The following HMGN5 variants were observed in gnomAD, a reference collection of about 807,000 sequenced individuals.
HMGN5 encodes the protein high mobility group nucleosome binding domain 5.
HMGN5 carries 4 observed loss-of-function variants against 9.5 expected under a neutral mutation model. The observed-to-expected ratio is 0.42, with a 90% CI of 0.21 to 0.96. The LOEUF (loss-of-function observed/expected upper bound fraction) is 0.96, where lower values mean the gene tolerates loss of function less well. Among genes scored for constraint, HMGN5 ranks in the 40% least tolerant of loss-of-function variants. The probability of loss-of-function intolerance (pLI) is 0.30; values close to 1 mark genes in which losing one functional copy is unlikely to be tolerated. For missense variants in HMGN5, 192 were observed against 187.5 expected (o/e 1.02, Z -0.14); for synonymous variants, 55 against 57.1 (o/e 0.96, Z 0.16).
At chrX:81,129,647 A>G (rs2075293518) in intron 1 of HMGN5, among the ~76,000 whole-genome samples, 3 of 111,938 alleles carry the variant, frequency 2.7e-5, no homozygotes, top group Non-Finnish European at 5.7e-5. Flanking sequence ...TATAAATTAT[A>G]TAGTTTGACA....
At chrX:81,151,899 G>A (rs2075363738) in intron 1 of HMGN5, among the ~76,000 whole-genome samples, 1 of 111,469 alleles carries the variant, frequency 9.0e-6, no homozygotes, top group Non-Finnish European at 1.9e-5. Context: ...TGCAAACAGG[G>A]ACAATTTGAC....
Position 81,113,847 on chromosome X carries a change from G to A in HMGN5, c.*802C>T, listed in dbSNP as rs999722128. The A allele has an allele frequency of 8.9e-6, 1 of 111,885 alleles. No homozygotes were observed. The highest frequency in any genetic ancestry group is 3.3e-5 in the African/African-American group (1 of 30,734). The allele number at this position is 111,885 out of a possible 1,213,427, so 9.2% of individuals were successfully genotyped here. On this transcript the variant is annotated 3_prime_UTR_variant, in exon 7 of 7. Transcript: ENST00000358130. ...AATTGGTGCTTTGTTTCTTATTTGG[G>A]TGATAAAAATTCTCTGGAATTAAAC...
At chrX:81,124,674 C>A (rs2075278298) in intron 1 of HMGN5, among the ~76,000 whole-genome samples, 1 of 112,272 alleles carries the variant, frequency 8.9e-6, no homozygotes, top group South Asian at 3.6e-4. Context: ...ATATATTTTT[C>A]TAAAATTGAT....
intron 1 of HMGN5, among the ~76,000 whole-genome samples, chrX:81,181,960 C>T (rs1389798384): frequency 9.0e-6 from 1 of 111,477 alleles, no homozygotes; most frequent in Non-Finnish European, 1.9e-5. Flanking sequence ...TGGCTATATA[C>T]CTAGGAGTGG....
chrX:81,175,989 C>T (rs1232214110), intron 1 of HMGN5, among the ~76,000 whole-genome samples: 1 of 111,869 alleles, frequency 8.9e-6, no homozygotes, highest in Non-Finnish European at 1.9e-5. Flanking sequence ...GTCCCTGACC[C>T]CTGTGTAGCC....
intron 1 of HMGN5, among the ~76,000 whole-genome samples, chrX:81,137,622 T>C (rs1392112074): frequency 9.0e-6 from 1 of 111,308 alleles, no homozygotes; most frequent in Non-Finnish European, 1.9e-5. Flanking sequence ...CAAATTAATA[T>C]TCTAATACTT....
At chrX:81,183,158 A>G (rs955252688) in intron 1 of HMGN5, among the ~76,000 whole-genome samples, 1 of 112,391 alleles carries the variant, frequency 8.9e-6, no homozygotes, top group African/African-American at 3.2e-5. Flanking sequence ...GCAAAGCATA[A>G]AAGTTTGGAA....
At chrX:81,200,392 A>G (rs2075522357) in intron 1 of HMGN5, among the ~76,000 whole-genome samples, 1 of 112,247 alleles carries the variant, frequency 8.9e-6, no homozygotes, top group Non-Finnish European at 1.9e-5. Context: ...TCTTTCTATA[A>G]TAAAGACACA....
chrX:81,201,429 A>G (rs774938362), intron 1 of HMGN5, among the ~76,000 whole-genome samples: 1 of 111,565 alleles, frequency 9.0e-6, no homozygotes, highest in African/African-American at 3.3e-5. Flanking sequence ...AAAATCATCC[A>G]TCTTTTTACA....
intron 1 of HMGN5, among the ~76,000 whole-genome samples, chrX:81,157,305 A>G (rs2075385550): frequency 8.9e-6 from 1 of 111,893 alleles, no homozygotes; most frequent in African/African-American, 3.2e-5. Context: ...TTCTGCAATA[A>G]GGTGTTTTCT....
In HMGN5 at chrX:81,117,260, GT is replaced by G. The variant is rs72026372; in HGVS notation, c.130-920del. On this transcript the variant is annotated intron_variant, in intron 5 of 6. Coordinates refer to ENST00000358130, the MANE Select transcript of HMGN5 (RefSeq NM_030763.3). ...TTTTCTTTTCTTTTCTTTTTTTTCC[GT>G]TTTTTTTTTTTTTTTTGAGACAGGG... 8.1e-4 allele frequency among the ~76,000 whole-genome samples: 65 copies of G among 79,832 alleles called. 1 individual carries two copies. Among genetic ancestry groups the G allele is most frequent in the Middle Eastern group, 7.5e-3 (1 of 134 alleles). The allele number at this position is 79,832 out of a possible 115,157, so 69.3% of individuals were successfully genotyped here.
At chrX:81,162,876 A>G (rs981908206) in intron 1 of HMGN5, among the ~76,000 whole-genome samples, 3 of 111,425 alleles carry the variant, frequency 2.7e-5, no homozygotes, top group Non-Finnish European at 5.7e-5. Flanking sequence ...CCTAGTGGGC[A>G]GATTATAGCA....
intron 1 of HMGN5, among the ~76,000 whole-genome samples, chrX:81,158,865 C>T (rs1292472327): frequency 9.0e-6 from 1 of 111,208 alleles, no homozygotes; most frequent in Non-Finnish European, 1.9e-5. Flanking sequence ...GCATTTGGTC[C>T]AGAAATCTCA....
chrX:81,183,400 T>G (rs1007561597), intron 1 of HMGN5, among the ~76,000 whole-genome samples: 2 of 112,622 alleles, frequency 1.8e-5, no homozygotes, highest in Admixed American at 9.4e-5. Flanking sequence ...AGGGCCCCGC[T>G]GCCCTGTGCA....
At chrX:81,172,979 T>C (rs1373596582) in intron 1 of HMGN5, among the ~76,000 whole-genome samples, 3 of 111,595 alleles carry the variant, frequency 2.7e-5, no homozygotes. Flanking sequence ...TTTTGTAATA[T>C]TTATAAAAAA....
intron 1 of HMGN5, among the ~76,000 whole-genome samples, chrX:81,155,161 T>A (rs1280693116): frequency 1.1e-5 from 1 of 94,543 alleles, no homozygotes; most frequent in Non-Finnish European, 2.1e-5. Context: ...ACCAAAAAAC[T>A]CCTTACAACC....
intron 1 of HMGN5, among the ~76,000 whole-genome samples, chrX:81,129,941 T>A (rs2075294098): frequency 8.9e-6 from 1 of 111,893 alleles, no homozygotes; most frequent in Admixed American, 9.5e-5. Context: ...CTTCTCTACT[T>A]AATTAAGTAC....
intron 1 of HMGN5, among the ~76,000 whole-genome samples, chrX:81,171,627 T>A (rs758950297): frequency 8.9e-6 from 1 of 112,002 alleles, no homozygotes; most frequent in East Asian, 2.8e-4. Context: ...TATCCGTGGT[T>A]TTCCTGAGTT....
In HMGN5 at chrX:81,125,012, T is replaced by C. The variant is rs2075279084; in HGVS notation, c.-123-3340A>G. Among the ~76,000 whole-genome samples the C allele has an allele frequency of 2.7e-5, 3 of 110,549 alleles. No homozygotes were observed. In the Admixed American group the frequency reaches 2.9e-4, roughly 11 times the overall value. ...AGAGAATCCAAAAGAAAATATTATG[T>C]ATTTATGAGAAAAGGAATGCTAAAC... On this transcript the variant is annotated intron_variant, in intron 1 of 6. Transcript: ENST00000358130.
Sources: allele counts gnomAD v4.1 joint callset (sites outside exome capture counted in the v4.1 genomes callset), GRCh38; gene constraint gnomAD v4.1.1; transcripts MANE v1.5; gene names NCBI Gene and HGNC (gene_info 2026-07-23, HGNC 2026-07-21).